COX7A2L: variants seen among roughly 807,000 people sequenced by gnomAD.
COX7A2L encodes cytochrome c oxidase subunit 7A2 like, also known as cytochrome c oxidase subunit 7A2-like, mitochondrial.
In COX7A2L, 18 loss-of-function variants were observed where a neutral mutation model predicts 14.2. That is an observed-to-expected ratio of 1.27 (90% CI 0.88 to 1.88). The LOEUF is 1.88. Ranked by LOEUF, COX7A2L falls within the 40% of genes most tolerant of loss-of-function variation. COX7A2L has a pLI of 0.00. For missense variants in COX7A2L, 179 were observed against 138.8 expected (o/e 1.29, Z -1.46); for synonymous variants, 65 against 57.4 (o/e 1.13, Z -0.60).
chr2:42,351,361 T>G lies in COX7A2L; in HGVS notation c.205-2A>C, dbSNP rs1021476087. On this transcript the variant is annotated splice_acceptor_variant, in intron 2 of 2. Coordinates refer to ENST00000234301, the MANE Select transcript of COX7A2L (RefSeq NM_004718.4). LOFTEE classifies it high-confidence loss of function. ...GTAGACGGGCACACCATCAGCTTTC[T>G]TGAAAGCAAGAATTAACAAGGGCAT... 2 of 1,612,320 alleles carry G rather than the reference T, an allele frequency of 1.2e-6. No individual in the cohort carries two copies. The highest frequency in any genetic ancestry group is 2.7e-5 in the African/African-American group (2 of 74,852).
intron 2 of COX7A2L, chr2:42,352,983 C>T: frequency 1.7e-6 from 1 of 572,516 alleles, no homozygotes; most frequent in Non-Finnish European, 3.0e-6. Context: ...ATTTCAAAAC[C>T]CTCACACCCT....
At chr2:42,340,796 G>A (rs563878133) in intron 2 of COX7A2L, among the ~76,000 whole-genome samples, 3 of 152,328 alleles carry the variant, frequency 2.0e-5, no homozygotes, top group East Asian at 3.9e-4. Flanking sequence ...CACTCTGACT[G>A]TGCTCATCAT....
chr2:42,340,399 T>A (rs920467459), intron 2 of COX7A2L, among the ~76,000 whole-genome samples: 1 of 152,166 alleles, frequency 6.6e-6, no homozygotes, highest in Non-Finnish European at 1.5e-5. Context: ...TAAGTCTTTT[T>A]CCTCTCCATT....
At chr2:42,361,496 T>A (rs1671049600), upstream of COX7A2L, 1 of 213,694 alleles carries the variant, frequency 4.7e-6, no homozygotes, top group African/African-American at 2.4e-5. Context: ...CTCCACGGAC[T>A]AAGCCCGGCG....
rs1260098887 is a variant in COX7A2L, at chr2:42,339,522, C to G, written c.193-5653G>C. Among the ~76,000 whole-genome samples the G allele has an allele frequency of 6.6e-6, 1 of 152,168 alleles. No individual in the cohort carries two copies. Among genetic ancestry groups the G allele is most frequent in the Admixed American group, 6.5e-5 (1 of 15,274 alleles). On this transcript the variant is annotated intron_variant, in intron 2 of 2. Coordinates refer to the COX7A2L transcript ENST00000468711. This position sits in a 1 kb window ranked among gnomAD's most constrained non-coding sequence, Gnocchi z 5.4. ...ACACTGGCCGACAACCTCCTTGAAACCCCCTCCTCTCCTGCCACCATTCCT... is the reference window on the plus strand; with the variant it reads ...ACACTGGCCGACAACCTCCTTGAAAGCCCCTCCTCTCCTGCCACCATTCCT...
chr2:42,365,467 A>C (rs188533837), upstream of COX7A2L, among the ~76,000 whole-genome samples: 71 of 152,156 alleles, frequency 4.7e-4, no homozygotes, highest in Admixed American at 7.9e-4. Context: ...TCTCTACTAC[A>C]AATACAAAAA....
chr2:42,359,439 T>C (rs1670944483), intron 1 of COX7A2L: 1 of 152,226 alleles, frequency 6.6e-6, no homozygotes, highest in Non-Finnish European at 1.5e-5. Flanking sequence ...CTCATCAAAC[T>C]GTAACATTTA....
At chr2:42,363,626 A>T (rs1671104015), upstream of COX7A2L, among the ~76,000 whole-genome samples, 2 of 152,226 alleles carry the variant, frequency 1.3e-5, no homozygotes, top group African/African-American at 4.8e-5. Context: ...GTCACATGGA[A>T]TGGCTGATCA....
chr2:42,351,506 A>T, intron 2 of COX7A2L, 147 bp from the exon 3 acceptor site: 1 of 937,020 alleles, frequency 1.1e-6, no homozygotes, highest in South Asian at 1.9e-5. Context: ...ATGCTAGTAG[A>T]AGTTCCTATA....
Position 42,342,236 on chromosome 2 carries a change from G to C in COX7A2L, c.193-8367C>G, listed in dbSNP as rs1439226142. ...CTGGTACAGCTGGAACCCTGAAGGG[G>C]GCCCTGGACCAGCAGAGCCTGCCTC... On this transcript the variant is annotated intron_variant, in intron 2 of 2. Coordinates refer to the COX7A2L transcript ENST00000468711. This position sits in a 1 kb window ranked among gnomAD's most constrained non-coding sequence, Gnocchi z 4.9. Among the ~76,000 whole-genome samples, 2 of 152,030 alleles carry C rather than the reference G, an allele frequency of 1.3e-5. No homozygotes were observed. Among genetic ancestry groups the C allele is most frequent in the Non-Finnish European group, 2.9e-5 (2 of 68,002 alleles).
At chr2:42,354,417 AT>A (rs1670754392) in intron 1 of COX7A2L, among the ~76,000 whole-genome samples, 2 of 152,206 alleles carry the variant, frequency 1.3e-5, no homozygotes, top group Non-Finnish European at 2.9e-5. Flanking sequence ...TTTATGTTAA[AT>A]TCTAACTAAG....
chr2:42,345,529 T>C (rs901258785), downstream of COX7A2L, among the ~76,000 whole-genome samples: 2 of 152,080 alleles, frequency 1.3e-5, no homozygotes, highest in Admixed American at 6.6e-5. Flanking sequence ...TTACCAATAT[T>C]TGCACATATT....
In COX7A2L at chr2:42,342,012, G is replaced by A. The variant is rs1477880047; in HGVS notation, c.193-8143C>T. Among the ~76,000 whole-genome samples the A allele has an allele frequency of 6.6e-6, 1 of 152,188 alleles. No individual in the cohort carries two copies. The highest frequency in any genetic ancestry group is 1.5e-5 in the Non-Finnish European group (1 of 68,032). ...ATGGAGGCTTTGTGGCCTAAGCAGGGGGCAGGTGGGAGGGGAAGATGGGGT... is the reference window on the plus strand; with the variant it reads ...ATGGAGGCTTTGTGGCCTAAGCAGGAGGCAGGTGGGAGGGGAAGATGGGGT... On this transcript the variant is annotated intron_variant, in intron 2 of 2. Transcript: ENST00000468711. This position sits in a 1 kb window ranked among gnomAD's most constrained non-coding sequence, Gnocchi z 4.9.
rs539546931 is a variant in COX7A2L, at chr2:42,357,332, T to C, written c.72+3758A>G. On this transcript the variant is annotated intron_variant, in intron 1 of 2. Coordinates refer to ENST00000234301, the MANE Select transcript of COX7A2L (RefSeq NM_004718.4). ...CTTTTTGTTTTGTTTTGTTTATAGATAGATCTTACACTGTCACCCACGCTG... is the reference window on the plus strand; with the variant it reads ...CTTTTTGTTTTGTTTTGTTTATAGACAGATCTTACACTGTCACCCACGCTG... Among the ~76,000 whole-genome samples, 17 of 152,262 alleles carry C rather than the reference T, an allele frequency of 1.1e-4. 1 individual carries two copies. The highest frequency in any genetic ancestry group is 3.3e-4 in the Admixed American group (5 of 15,292).
intron 1 of COX7A2L, chr2:42,359,467 A>C (rs1410488321): frequency 6.6e-6 from 1 of 152,178 alleles, no homozygotes; most frequent in Non-Finnish European, 1.5e-5. Context: ...TACACTGGAG[A>C]ATACATTTCA....
chr2:42,335,921 G>A (rs879599471), intron 2 of COX7A2L, among the ~76,000 whole-genome samples: 8 of 152,288 alleles, frequency 5.3e-5, no homozygotes, highest in Non-Finnish European at 1.2e-4. Context: ...CACAGCATGG[G>A]GCAGAGGAAC....
In COX7A2L at chr2:42,338,190, T is replaced by G. The variant is rs1327788906; in HGVS notation, c.193-4321A>C. Among the ~76,000 whole-genome samples, 3 of 152,162 alleles carry G rather than the reference T, an allele frequency of 2.0e-5. No individual in the cohort carries two copies. The highest frequency in any genetic ancestry group is 7.2e-5 in the African/African-American group (3 of 41,448). ...GCAAGGCAGAGACAGCCGTTCCGTG[T>G]TTCTCCCCCAGCCGCAGCGGCCAGG... On this transcript the variant is annotated intron_variant, in intron 2 of 2. Coordinates refer to the COX7A2L transcript ENST00000468711. This position sits in a 1 kb window ranked among gnomAD's most constrained non-coding sequence, Gnocchi z 4.4.
At chr2:42,365,580 T>C (rs959092806), upstream of COX7A2L, 5 of 151,336 alleles carry the variant, frequency 3.3e-5, no homozygotes, top group African/African-American at 1.2e-4. Context: ...TGAGCCCAGA[T>C]CATGCCACTG....
upstream of COX7A2L, among the ~76,000 whole-genome samples, chr2:42,362,172 T>G (rs555010945): frequency 6.6e-6 from 1 of 152,340 alleles, no homozygotes; most frequent in Non-Finnish European, 1.5e-5. Flanking sequence ...CTGAAAGATC[T>G]GGAACTACCA....
Sources: gnomAD v4.1 joint callset for allele counts (sites outside exome capture counted in the v4.1 genomes callset) on GRCh38, gnomAD v4.1.1 for gene constraint, Gnocchi (gnomAD v3.1) non-coding constraint, MANE v1.5 for transcripts, NCBI Gene and HGNC (gene_info 2026-07-23, HGNC 2026-07-21) for gene names.